The following UCK2 variants were observed in gnomAD, a reference collection of about 807,000 sequenced individuals.
UCK2 encodes uridine-cytidine kinase 2.
A neutral mutation model predicts 30.8 loss-of-function variants in UCK2; 6 were observed. The observed-to-expected ratio is 0.19, with a 90% CI of 0.11 to 0.38. The LOEUF (loss-of-function observed/expected upper bound fraction) is 0.38. UCK2 is among the 10% of genes least tolerant of loss of function. The pLI is 1.00. For synonymous variants in UCK2, 125 were observed against 133.6 expected (o/e 0.94, Z 0.45); for missense variants, 210 against 339.8 (o/e 0.62, Z 3.00).
chr1:165,881,059 G>T (rs1457994882), intron 1 of UCK2, among the ~76,000 whole-genome samples: 1 of 151,828 alleles, frequency 6.6e-6, no homozygotes, highest in Non-Finnish European at 1.5e-5. Context: ...TATAGTCCCA[G>T]CTACTCGTTA....
At chr1:165,832,888 G>GT (rs1191502175) in intron 1 of UCK2, among the ~76,000 whole-genome samples, 4 of 151,924 alleles carry the variant, frequency 2.6e-5, no homozygotes, top group East Asian at 1.9e-4. Flanking sequence ...TGCCCGGCCG[G>GT]TTTTTTTTCT....
At chr1:165,902,589 G>A (rs950326290) in intron 4 of UCK2, 3 of 65,120 alleles carry the variant, frequency 4.6e-5, no homozygotes, top group Non-Finnish European at 1.1e-4. Context: ...CTTTCACTGA[G>A]TGATTTTTTT....
chr1:165,841,926 A>G (rs1005215998), intron 1 of UCK2, among the ~76,000 whole-genome samples: 15 of 152,316 alleles, frequency 9.8e-5, no homozygotes, highest in African/African-American at 2.9e-4. Context: ...GATTGTTGAA[A>G]GTATGCTAAA....
intron 1 of UCK2, among the ~76,000 whole-genome samples, chr1:165,847,073 CT>C (rs756083395): frequency 1.6e-4 from 24 of 151,398 alleles, no homozygotes; most frequent in Admixed American, 5.9e-4. Flanking sequence ...TGTGTGTGTG[CT>C]TGTATATTGT....
chr1:165,902,138 A>G (rs1168786659), intron 4 of UCK2, among the ~76,000 whole-genome samples: 6 of 152,136 alleles, frequency 3.9e-5, no homozygotes. Flanking sequence ...CGGGAGGCTG[A>G]GGCAGGAGAA....
rs140733673 is a variant in UCK2, at chr1:165,845,333, G to A, written c.99+17401G>A. ...GGTTTTTTTCCTACATCTTCTTGGC[G>A]CACTCTTCCTCAGAGGTTAGTTGCT... is the stretch of plus-strand genomic sequence containing the variant. On this transcript the variant is annotated intron_variant, in intron 1 of 6. Transcript: ENST00000367879. Among the ~76,000 whole-genome samples the A allele has an allele frequency of 1.1e-3, 172 of 152,218 alleles. 1 individual carries two copies. The highest frequency in any genetic ancestry group is 3.9e-3 in the African/African-American group (164 of 41,532).
chr1:165,904,703 A>T (rs959249017), intron 5 of UCK2, among the ~76,000 whole-genome samples: 1 of 152,162 alleles, frequency 6.6e-6, no homozygotes, highest in Non-Finnish European at 1.5e-5. Context: ...TGCTCAGTTC[A>T]AGTTGGGTTT....
rs1647772968 is a variant in UCK2, at chr1:165,909,221, G to T, written c.*1398G>T. 6.6e-6 allele frequency: 1 copy of T among 152,078 alleles called. No homozygotes were observed. Among genetic ancestry groups the T allele is most frequent in the Non-Finnish European group, 1.5e-5 (1 of 68,040 alleles). The allele number at this position is 152,078 out of a possible 1,614,324, so 9.4% of individuals were successfully genotyped here. On this transcript the variant is annotated 3_prime_UTR_variant, in exon 7 of 7. Coordinates refer to ENST00000367879, the MANE Select transcript of UCK2 (RefSeq NM_012474.5). Reference sequence around the variant, plus strand: ...GATTCCTGACATTCTGGGTGGAGGGGAGCCCAAGTGAGCCTGAAGGAGTTC... The same window carrying T: ...GATTCCTGACATTCTGGGTGGAGGGTAGCCCAAGTGAGCCTGAAGGAGTTC...
chr1:165,903,238 A>C lies in UCK2; in HGVS notation c.556A>C (p.Ile186Leu). Residue 186 changes from isoleucine to leucine, a missense_variant, in exon 5 of 7, where the codon ATT (isoleucine) becomes CTT (leucine). Transcript: ENST00000367879. ...RDLEQILSQYITFVKPAFEEF... is the reference protein window; with the variant it reads ...RDLEQILSQYLTFVKPAFEEF... The stretch of plus-strand genomic sequence containing the variant: ...TCTTGAGCAGATTTTATCTCAGTAC[A>C]TTACGTTCGTCAAGCCTGCCTTTGA... 3.1e-6 allele frequency: 5 copies of C among 1,614,078 alleles called. No homozygotes were observed. The highest frequency in any genetic ancestry group is 4.2e-6 in the Non-Finnish European group (5 of 1,179,980).
chr1:165,893,628 G>T (rs1655822772), intron 3 of UCK2, among the ~76,000 whole-genome samples: 2 of 152,218 alleles, frequency 1.3e-5, no homozygotes, highest in Admixed American at 6.5e-5. Flanking sequence ...TATCTCAGAT[G>T]ATCTAATTGG....
intron 1 of UCK2, among the ~76,000 whole-genome samples, chr1:165,832,570 T>C (rs77262586): frequency 0.034 from 5,125 of 152,248 alleles, 285 homozygotes; most frequent in African/African-American, 0.11. Context: ...AGGGGAACTT[T>C]TGACTTAGTG....
At chr1:165,885,221 G>C (rs1655589410) in intron 1 of UCK2, 1 of 392,902 alleles carries the variant, frequency 2.5e-6, no homozygotes, top group African/African-American at 2.1e-5. Flanking sequence ...GAATTGTGCA[G>C]TTGGAGTTAG....
chr1:165,860,800 C>T (rs899955671), intron 1 of UCK2, among the ~76,000 whole-genome samples: 11 of 152,068 alleles, frequency 7.2e-5, no homozygotes, highest in Non-Finnish European at 1.6e-4. Flanking sequence ...TTCTTGACTC[C>T]CTTGTTTCTA....
rs770335293 is a variant in UCK2 at position 165,907,934 on chromosome 1, A to G, written c.*111A>G. The G allele has an allele frequency of 3.7e-5, 51 of 1,392,698 alleles. No homozygotes were observed. The highest frequency in any genetic ancestry group is 4.8e-5 in the Non-Finnish European group (50 of 1,050,352). The allele number at this position is 1,392,698 out of a possible 1,614,324, so 86.3% of individuals were successfully genotyped here. A position where few individuals can be genotyped will look rare whatever the true frequency, so the allele number is the denominator to read the frequency against. The stretch of plus-strand genomic sequence containing the variant: ...ATGACATTACTGTATTTAAGAAAAC[A>G]CCATGGAGATGAAATGCCTTTGATT... On this transcript the variant is annotated 3_prime_UTR_variant, in exon 7 of 7. Coordinates refer to ENST00000367879, the MANE Select transcript of UCK2 (RefSeq NM_012474.5).
At chr1:165,886,354 G>A (rs1449698526) in intron 1 of UCK2, among the ~76,000 whole-genome samples, 1 of 152,048 alleles carries the variant, frequency 6.6e-6, no homozygotes, top group Non-Finnish European at 1.5e-5. Context: ...GAGTGCAGTG[G>A]CATGATCATG....
At chr1:165,859,903 CTT>C in intron 1 of UCK2, among the ~76,000 whole-genome samples, 1 of 152,180 alleles carries the variant, frequency 6.6e-6, no homozygotes, top group Non-Finnish European at 1.5e-5. Context: ...CCCTGCCCAC[CTT>C]GTCCACCCTG....
intron 1 of UCK2, among the ~76,000 whole-genome samples, chr1:165,846,103 G>T (rs1654441583): frequency 6.6e-6 from 1 of 152,094 alleles, no homozygotes; most frequent in African/African-American, 2.4e-5. Context: ...ACCAGCCTGA[G>T]CAACACAGTG....
intron 1 of UCK2, among the ~76,000 whole-genome samples, chr1:165,879,545 T>TTTATTA (rs59350667): frequency 0.019 from 2,778 of 146,872 alleles, 85 homozygotes; most frequent in African/African-American, 0.058. Context: ...ATGTTTGCTT[T>TTTATTA]TTATTATTAT....
chr1:165,883,125 G>C (rs1655541180), intron 1 of UCK2, among the ~76,000 whole-genome samples: 1 of 152,094 alleles, frequency 6.6e-6, no homozygotes, highest in Admixed American at 6.5e-5. Flanking sequence ...ACTCTTAATG[G>C]CTCTCAGCTC....
Sources: allele counts gnomAD v4.1 joint callset (sites outside exome capture counted in the v4.1 genomes callset), GRCh38; gene constraint gnomAD v4.1.1; transcripts MANE v1.5; gene names NCBI Gene and HGNC (gene_info 2026-07-23, HGNC 2026-07-21).